AP1G2: variants seen among roughly 807,000 people sequenced by gnomAD.
AP1G2 encodes adaptor related protein complex 1 subunit gamma 2.
In AP1G2, 85 loss-of-function variants were observed where a neutral mutation model predicts 95.8. The ratio of observed to expected loss-of-function variants is 0.89; its 90% confidence interval spans 0.74 to 1.06. The LOEUF is 1.06. AP1G2 is among the 50% of genes least tolerant of loss of function. AP1G2 has a pLI of 0.00. For synonymous variants in AP1G2, 378 were observed against 400.0 expected, an observed-to-expected ratio of 0.94 and a Z score of 0.66; for missense variants, 967 against 1,005.8, an observed-to-expected ratio of 0.96 and a Z score of 0.52.
chr14:23,561,369 A>T lies in AP1G2; in HGVS notation c.1920T>A (p.Pro640=). Residue 640 remains proline, a synonymous_variant, in exon 19 of 22, where the codon CCT becomes CCA. Coordinates refer to ENST00000397120, the MANE Select transcript of AP1G2 (RefSeq NM_003917.5). The part of the protein sequence containing the change: ...LDGASGDVQH[P]PHLDPSPGGA... ...CTCCTGGGGAGGGGTCCAGATGGGG[A>T]GGATGCTGGACATCCCCAGAAGCCC... The T allele has an allele frequency of 6.3e-7, 1 of 1,598,064 alleles. No individual in the cohort carries two copies. Among genetic ancestry groups the T allele is most frequent in the South Asian group, 1.1e-5 (1 of 89,126 alleles).
chr14:23,566,440 G>A (rs1379073145), intron 3 of AP1G2, 21 bp from the exon 4 acceptor site: 3 of 1,611,022 alleles, frequency 1.9e-6, no homozygotes, highest in Non-Finnish European at 1.7e-6. Flanking sequence ...TGGGAGGACG[G>A]TCAGTCAAAC....
Position 23,560,174 on chromosome 14 carries a change from T to A in AP1G2, c.2157+81A>T. 8 of 1,547,796 alleles carry A rather than the reference T, an allele frequency of 5.2e-6. No homozygotes were observed. The South Asian group carries it at 8.2e-5, about 16-fold the overall frequency. On this transcript the variant is annotated intron_variant, in intron 20 of 21. Transcript: ENST00000397120. ...CAGATGACTCAATCCCATCTCACAC[T>A]GTCTCCCACCCACCTCCTCCACTTA...
chr14:23,561,661 C>T, intron 17 of AP1G2, 26 bp from the exon 18 acceptor site: 2 of 1,611,644 alleles, frequency 1.2e-6, no homozygotes, highest in Admixed American at 3.3e-5. Flanking sequence ...GCAAGTGTGC[C>T]TCTGTGTGGT....
rs780728357 is a variant in AP1G2, at chr14:23,560,245, C to A, written c.2157+10G>T. ...CCCCAGGCCACCTCTGAACTCTGAT[C>A]TTTACAAACCTTGGGCACAGCAGCC... On this transcript the variant is annotated intron_variant, in intron 20 of 21. Coordinates refer to ENST00000397120, the MANE Select transcript of AP1G2 (RefSeq NM_003917.5). 2 of 1,612,884 alleles carry A rather than the reference C, an allele frequency of 1.2e-6. No individual in the cohort carries two copies. The highest frequency in any genetic ancestry group is 2.2e-5 in the South Asian group (2 of 91,000).
rs1280862813 is a variant in AP1G2, at chr14:23,566,052, C to T, written c.568+12G>A. Reference sequence around the variant, plus strand: ...GACCTGAAGCAAAGGATGGGGGGCCCCACAGCCTTACCATGGTGACGCTCA... The same window carrying T: ...GACCTGAAGCAAAGGATGGGGGGCCTCACAGCCTTACCATGGTGACGCTCA... On this transcript the variant is annotated intron_variant, in intron 5 of 21. Transcript: ENST00000397120. 1 of 1,614,104 alleles carries T rather than the reference C, an allele frequency of 6.2e-7. No homozygotes were observed. Among genetic ancestry groups the T allele is most frequent in the Admixed American group, 1.7e-5 (1 of 60,022 alleles).
intron 4 of AP1G2, 23 bp from the exon 5 acceptor site, chr14:23,566,183 A>G (rs1168943796): frequency 1.3e-6 from 2 of 1,594,770 alleles, no homozygotes; most frequent in East Asian, 2.2e-5. Context: ...GGGGCCTCAG[A>G]CAGGGGTCAG....
intron 8 of AP1G2, 72 bp downstream of exon 8, chr14:23,565,047 T>G (rs45623934): frequency 0.011 from 15,143 of 1,425,210 alleles, 110 homozygotes; most frequent in Middle Eastern, 0.018. Flanking sequence ...CAGTGACGAG[T>G]CATGTGAGGG....
At chr14:23,562,797 C>T in intron 14 of AP1G2, 1 of 611,478 alleles carries the variant, frequency 1.6e-6, no homozygotes, top group Non-Finnish European at 2.8e-6. Context: ...GGGCCAGTGT[C>T]TGAGGTCCCC....
intron 17 of AP1G2, 160 bp from the exon 18 acceptor site, chr14:23,561,795 A>G: frequency 6.8e-7 from 1 of 1,466,300 alleles, no homozygotes; most frequent in South Asian, 1.4e-5. Flanking sequence ...TTTTCAGATG[A>G]ACAAGGAGGG....
At chr14:23,564,284 G>C in intron 10 of AP1G2, 49 bp downstream of exon 10, 1 of 1,613,954 alleles carries the variant, frequency 6.2e-7, no homozygotes, top group Non-Finnish European at 8.5e-7. Flanking sequence ...GGAGGGCAGA[G>C]GGCCAGGGGA....
rs1474514927 is a variant in AP1G2, at chr14:23,560,007, A to G, written c.2187T>C (p.Ser729=). 1 of 1,611,080 alleles carries G rather than the reference A, an allele frequency of 6.2e-7. No individual in the cohort carries two copies. Among genetic ancestry groups the G allele is most frequent in the Non-Finnish European group, 8.5e-7 (1 of 1,178,148 alleles). The part of the protein sequence containing the change: ...KSLQLQLQAP[S]GNTVPARGGL... Reference sequence around the variant, plus strand: ...CACCCCGAGCTGGAACTGTGTTCCCACTGGGGGCCTGCAGCTGCAGCTGGA... The same window carrying G: ...CACCCCGAGCTGGAACTGTGTTCCCGCTGGGGGCCTGCAGCTGCAGCTGGA... The change falls in exon 21 of 22, where the codon AGT becomes AGC. Residue 729 remains serine, a synonymous_variant. Transcript: ENST00000397120.
intron 5 of AP1G2, 54 bp from the exon 6 acceptor site, chr14:23,565,946 T>C (rs1248019653): frequency 6.2e-7 from 1 of 1,604,666 alleles, no homozygotes; most frequent in Admixed American, 1.7e-5. Flanking sequence ...AGAGAGTCTA[T>C]TGCGTGTGTG....
chr14:23,565,902 G>C lies in AP1G2; in HGVS notation c.569-10C>G. ...GTGCCCAGCAGGATGCCTGGGGTCA[G>C]CGTCGGGGAAGTGAATGGTGGGGGC... On this transcript the variant is annotated splice_polypyrimidine_tract_variant and intron_variant, in intron 5 of 21. Transcript: ENST00000397120. The C allele has an allele frequency of 6.3e-7, 1 of 1,594,900 alleles. No individual in the cohort carries two copies. The highest frequency in any genetic ancestry group is 1.1e-5 in the South Asian group (1 of 88,760).
intron 14 of AP1G2, 142 bp downstream of exon 14, chr14:23,563,238 G>A (rs1885992334): frequency 1.4e-6 from 2 of 1,453,824 alleles, no homozygotes; most frequent in Non-Finnish European, 1.8e-6. Context: ...TTAAAAACAG[G>A]GCTCTGTGCT....
At position 23,567,712 on chromosome 14, in the gene AP1G2, C is replaced by G; in HGVS notation, c.-6+27G>C. 1 of 884,550 alleles carries G rather than the reference C, an allele frequency of 1.1e-6. No homozygotes were observed. The highest frequency in any genetic ancestry group is 1.4e-6 in the Non-Finnish European group (1 of 734,380). 54.8% of individuals were successfully genotyped at this position (884,550 alleles called of 1,614,324 possible). A position where few individuals can be genotyped will look rare whatever the true frequency, so the allele number is the denominator to read the frequency against. On this transcript the variant is annotated intron_variant, in intron 1 of 21. Transcript: ENST00000397120. The surrounding 1 kb of genome is among the most constrained non-coding windows in gnomAD (Gnocchi z 5.3). ...AGGCAGCGGCAGCGGCAGCGACAGC[C>G]TGCCTACCCCAGGACTCCAGCCTCA...
At chr14:23,564,194 G>A in intron 10 of AP1G2, 35 bp from the exon 11 acceptor site, 1 of 1,612,132 alleles carries the variant, frequency 6.2e-7, no homozygotes, top group Non-Finnish European at 8.5e-7. Context: ...TCATACCATG[G>A]CCATCAGCCC....
At chr14:23,560,444 C>G in intron 19 of AP1G2, 26 bp from the exon 20 acceptor site, 1 of 1,604,442 alleles carries the variant, frequency 6.2e-7, no homozygotes, top group Non-Finnish European at 8.5e-7. Context: ...AGAAGCAGCT[C>G]AGTGTGCAGG....
At chr14:23,559,877 G>GTTAGCACCCACGGCT (rs1566611503) in intron 21 of AP1G2, 27 bp from the exon 22 acceptor site, 13 of 1,613,374 alleles carry the variant, frequency 8.1e-6, no homozygotes, top group Non-Finnish European at 9.3e-6. Flanking sequence ...AGGGACCAGG[G>GTTAGCACCCACGGCT]TTAGCACCCA....
At chr14:23,564,793 T>A in intron 8 of AP1G2, 133 bp from the exon 9 acceptor site, 1 of 819,668 alleles carries the variant, frequency 1.2e-6, no homozygotes, top group Non-Finnish European at 2.0e-6. Context: ...TCCTCCTGCC[T>A]CAGCCTCCTG....
Sources: gnomAD v4.1 joint callset for allele counts on GRCh38, gnomAD v4.1.1 for gene constraint, Gnocchi (gnomAD v3.1) non-coding constraint, MANE v1.5 for transcripts, NCBI Gene and HGNC (gene_info 2026-07-23, HGNC 2026-07-21) for gene names.